The following HS3ST3A1 variants were observed in gnomAD, a reference collection of about 807,000 sequenced individuals.
HS3ST3A1 encodes heparan sulfate-glucosamine 3-sulfotransferase 3A1, also known as heparan sulfate glucosamine 3-O-sulfotransferase 3A1.
Under a neutral mutation model 25.7 loss-of-function variants are expected in HS3ST3A1, and 19 were observed. The observed-to-expected ratio is 0.74, with a 90% CI of 0.52 to 1.08. The LOEUF is 1.08. Among genes scored for constraint, HS3ST3A1 ranks in the 50% least tolerant of loss-of-function variants. HS3ST3A1 has a pLI of 0.00. For synonymous variants in HS3ST3A1, 226 were observed against 278.6 expected, an observed-to-expected ratio of 0.81 and a Z score of 1.88; for missense variants, 459 against 594.3, an observed-to-expected ratio of 0.77 and a Z score of 2.37.
At chr17:13,553,985 C>T (rs1483695857) in intron 1 of HS3ST3A1, among the ~76,000 whole-genome samples, 1 of 152,114 alleles carries the variant, frequency 6.6e-6, no homozygotes, top group Non-Finnish European at 1.5e-5. Flanking sequence ...TATAAAAACT[C>T]TAGACAGGAG....
intron 1 of HS3ST3A1, among the ~76,000 whole-genome samples, chr17:13,600,052 C>T (rs1436032873): frequency 6.6e-6 from 1 of 152,152 alleles, no homozygotes; most frequent in African/African-American, 2.4e-5. Context: ...TTACTTCCCA[C>T]CTAGGACAAC....
At chr17:13,573,895 C>T (rs1446795663) in intron 1 of HS3ST3A1, among the ~76,000 whole-genome samples, 3 of 152,170 alleles carry the variant, frequency 2.0e-5, no homozygotes. Flanking sequence ...TGTGAGAATA[C>T]ACAAGAAGAT....
intron 1 of HS3ST3A1, among the ~76,000 whole-genome samples, chr17:13,499,516 T>G (rs1393892914): frequency 6.6e-6 from 1 of 152,172 alleles, no homozygotes; most frequent in Non-Finnish European, 1.5e-5. Flanking sequence ...TTTAACTACT[T>G]TATTTCAAAT....
chr17:13,502,003 C>T (rs1408545774), intron 1 of HS3ST3A1, among the ~76,000 whole-genome samples: 3 of 152,126 alleles, frequency 2.0e-5, no homozygotes, highest in East Asian at 1.9e-4. Flanking sequence ...ATTTCATTTC[C>T]TTCCATGGCA....
intron 1 of HS3ST3A1, among the ~76,000 whole-genome samples, chr17:13,595,841 TTTTTGG>T (rs1908559568): frequency 1.2e-5 from 1 of 80,816 alleles, no homozygotes; most frequent in Non-Finnish European, 2.7e-5. Flanking sequence ...ATACGAGGCC[TTTTTGG>T]TTGTTGTTGT....
chr17:13,569,731 G>A (rs1907757363), intron 1 of HS3ST3A1, among the ~76,000 whole-genome samples: 1 of 152,180 alleles, frequency 6.6e-6, no homozygotes, highest in Non-Finnish European at 1.5e-5. Flanking sequence ...AAATTCTGAT[G>A]TAAATTCAAT....
chr17:13,527,900 A>C lies in HS3ST3A1; in HGVS notation c.600-31082T>G, dbSNP rs1163534077. Among the ~76,000 whole-genome samples the C allele has an allele frequency of 3.9e-5, 6 of 152,312 alleles. No homozygotes were observed. In the East Asian group the frequency reaches 5.8e-4, roughly 15 times the overall value. ...TGGTTGCTGTTTGCTTTTTTGGGAA[A>C]TGTATAATTAAAGTACAATGACCTA... is the stretch of plus-strand genomic sequence containing the variant. On this transcript the variant is annotated intron_variant, in intron 1 of 1. Coordinates refer to ENST00000284110, the MANE Select transcript of HS3ST3A1 (RefSeq NM_006042.3).
At chr17:13,520,514 C>G (rs1390948497) in intron 1 of HS3ST3A1, among the ~76,000 whole-genome samples, 1 of 152,200 alleles carries the variant, frequency 6.6e-6, no homozygotes, top group African/African-American at 2.4e-5. Context: ...CAGGCCAGAG[C>G]AACGTCTGAA....
chr17:13,502,381 G>A (rs564697634), intron 1 of HS3ST3A1, among the ~76,000 whole-genome samples: 1 of 152,280 alleles, frequency 6.6e-6, no homozygotes, highest in African/African-American at 2.4e-5. Flanking sequence ...AAGCACTCTA[G>A]CACTGGCTGC....
chr17:13,591,170 C>T (rs1055739759), intron 1 of HS3ST3A1, among the ~76,000 whole-genome samples: 10 of 151,700 alleles, frequency 6.6e-5, no homozygotes, highest in African/African-American at 1.7e-4. Context: ...CCTCAGCCTC[C>T]GGAGTACCTG....
At chr17:13,503,963 A>T (rs1425449650) in intron 1 of HS3ST3A1, among the ~76,000 whole-genome samples, 1 of 152,228 alleles carries the variant, frequency 6.6e-6, no homozygotes, top group African/African-American at 2.4e-5. Flanking sequence ...TCCACCCAAA[A>T]TAGACGCACG....
intron 1 of HS3ST3A1, among the ~76,000 whole-genome samples, chr17:13,519,839 C>T (rs904949978): frequency 6.6e-6 from 1 of 152,086 alleles, no homozygotes; most frequent in Non-Finnish European, 1.5e-5. Flanking sequence ...CCACATTAAG[C>T]TTCAACCAAT....
chr17:13,502,911 T>C (rs1598407004), intron 1 of HS3ST3A1, among the ~76,000 whole-genome samples: 1 of 148,544 alleles, frequency 6.7e-6, no homozygotes, highest in East Asian at 2.0e-4. Flanking sequence ...CCAGGGGTGG[T>C]GGCTCACGCC....
intron 1 of HS3ST3A1, among the ~76,000 whole-genome samples, chr17:13,528,922 G>A (rs974726482): frequency 6.6e-6 from 1 of 151,600 alleles, no homozygotes; most frequent in Admixed American, 6.6e-5. Context: ...GTGGACGTGT[G>A]CAGTGGTCGG....
At chr17:13,571,135 GC>G (rs1468355668) in intron 1 of HS3ST3A1, among the ~76,000 whole-genome samples, 3 of 152,170 alleles carry the variant, frequency 2.0e-5, no homozygotes, top group Non-Finnish European at 4.4e-5. Flanking sequence ...GAGGAAGGGG[GC>G]TTTGCAAAGC....
intron 1 of HS3ST3A1, among the ~76,000 whole-genome samples, chr17:13,512,657 A>G (rs545085395): frequency 6.6e-6 from 1 of 152,338 alleles, no homozygotes; most frequent in Non-Finnish European, 1.5e-5. Flanking sequence ...CTTTTCATAA[A>G]ACATTTTTCA....
At chr17:13,537,438 G>A (rs1329682835) in intron 1 of HS3ST3A1, among the ~76,000 whole-genome samples, 41 of 152,146 alleles carry the variant, frequency 2.7e-4, no homozygotes, top group Non-Finnish European at 5.9e-4. Flanking sequence ...CTCTCTTCCA[G>A]GCTCCGGGGG....
chr17:13,528,970 C>T (rs948257601), intron 1 of HS3ST3A1, among the ~76,000 whole-genome samples: 11 of 151,866 alleles, frequency 7.2e-5, no homozygotes, highest in Non-Finnish European at 1.2e-4. Flanking sequence ...CTGGGAAATA[C>T]GGGATCCAAC....
intron 1 of HS3ST3A1, among the ~76,000 whole-genome samples, chr17:13,592,456 TA>T (rs1567632316): frequency 6.6e-6 from 1 of 152,126 alleles, no homozygotes. Flanking sequence ...TTTGCTATTT[TA>T]AAAAAGGCTA....
Sources: allele counts gnomAD v4.1 joint callset (sites outside exome capture counted in the v4.1 genomes callset), GRCh38; gene constraint gnomAD v4.1.1; transcripts MANE v1.5; gene names NCBI Gene and HGNC (gene_info 2026-07-23, HGNC 2026-07-21).